The following LIPI variants were observed in gnomAD, a reference collection of about 807,000 sequenced individuals.
The protein encoded by LIPI is lipase member I.
In LIPI, 59 loss-of-function variants were observed where a neutral mutation model predicts 50.6. The ratio of observed to expected loss-of-function variants is 1.16; its 90% CI spans 0.94 to 1.45. The LOEUF (loss-of-function observed/expected upper bound fraction) is 1.45, where lower values mean the gene tolerates loss of function less well. Ranked by LOEUF, LIPI falls within the 40% of genes most tolerant of loss-of-function variation. The pLI, the probability that LIPI is intolerant of heterozygous loss-of-function variation, is 0.00. For missense variants in LIPI, 586 were observed against 536.3 expected (o/e 1.09, Z -0.92); for synonymous variants, 203 against 178.2 (o/e 1.14, Z -1.11).
intron 1 of LIPI, among the ~76,000 whole-genome samples, chr21:14,196,759 A>G (rs1033893023): frequency 2.6e-5 from 4 of 152,018 alleles, no homozygotes; most frequent in African/African-American, 9.7e-5. Context: ...CCAGAAGATC[A>G]AGGCTGCAGT....
chr21:14,155,139 T>C (rs2018229851), intron 7 of LIPI, among the ~76,000 whole-genome samples: 1 of 151,960 alleles, frequency 6.6e-6, no homozygotes, highest in Non-Finnish European at 1.5e-5. Context: ...CAAAGGTGGC[T>C]CCATCGTGCA....
chr21:14,117,517 A>C (rs2016696519), intron 9 of LIPI, among the ~76,000 whole-genome samples: 1 of 152,196 alleles, frequency 6.6e-6, no homozygotes. Context: ...AGGGCTGCTA[A>C]ACTTTCTGAG....
Position 14,161,539 on chromosome 21 carries a change from TATC to T in LIPI, c.1006+1877_1006+1879del, listed in dbSNP as rs1290039847. 6.5e-5 allele frequency among the ~76,000 whole-genome samples: 8 copies of T among 123,388 alleles called. No homozygotes were observed. The East Asian group carries it at 1.7e-3, about 26-fold the overall frequency. The allele number at this position is 123,388 out of a possible 152,430, so 80.9% of individuals were successfully genotyped here. A position where few individuals can be genotyped will look rare whatever the true frequency, so the allele number is the denominator to read the frequency against. ...TATATAGATATAGATATAATATCCA[TATC>T]TATTATATATTAATATATTATATCT... On this transcript the variant is annotated intron_variant, in intron 7 of 9. Transcript: ENST00000681601.
chr21:14,190,845 C>T lies in LIPI; in HGVS notation c.47-1426G>A, dbSNP rs996979012. ...CTGGAATTCTGACAAGAATTTAATA[C>T]ATATCAATACCAATCAATACATCCA... is the stretch of plus-strand genomic sequence containing the variant. On this transcript the variant is annotated intron_variant, in intron 1 of 9. Transcript: ENST00000681601. Among the ~76,000 whole-genome samples the T allele has an allele frequency of 6.6e-5, 10 of 152,238 alleles. No individual in the cohort carries two copies. The East Asian group carries it at 9.7e-4, about 15-fold the overall frequency.
intron 7 of LIPI, among the ~76,000 whole-genome samples, chr21:14,156,122 G>T (rs776697288): frequency 6.6e-6 from 1 of 151,950 alleles, no homozygotes; most frequent in Non-Finnish European, 1.5e-5. Flanking sequence ...TATTGTAATT[G>T]TTGTAGGCCT....
At chr21:14,188,567 CAAAAAAAAAAA>C (rs577516831) in intron 2 of LIPI, among the ~76,000 whole-genome samples, 1,113 of 66,006 alleles carry the variant, frequency 0.017, 29 homozygotes, top group African/African-American at 0.057. Context: ...GAACCTGTCT[CAAAAAAAAAAA>C]AAAAAAAAAA....
chr21:14,147,638 A>T (rs987186033), intron 8 of LIPI, among the ~76,000 whole-genome samples: 2 of 152,180 alleles, frequency 1.3e-5, no homozygotes, highest in Non-Finnish European at 2.9e-5. Context: ...CTATAGAAGA[A>T]CTCAATAATT....
At chr21:14,207,279 T>C (rs943819593) in intron 1 of LIPI, among the ~76,000 whole-genome samples, 1 of 152,164 alleles carries the variant, frequency 6.6e-6, no homozygotes, top group Non-Finnish European at 1.5e-5. Context: ...CAATAATACA[T>C]AGTTTCAAAT....
Position 14,161,620 on chromosome 21 carries a change from A to AT in LIPI, c.1006+1798dup, listed in dbSNP as rs1426185049. ...ATATATTAATATATAATATACATAT[A>AT]TAATATATTAATATATAATATATAC... On this transcript the variant is annotated intron_variant, in intron 7 of 9. Transcript: ENST00000681601. 6.0e-4 allele frequency among the ~76,000 whole-genome samples: 69 copies of AT among 114,646 alleles called. 1 individual carries two copies. Among genetic ancestry groups the AT allele is most frequent in the East Asian group, 2.4e-3 (10 of 4,198 alleles). 75.2% of individuals were successfully genotyped at this position (114,646 alleles called of 152,430 possible). A position where few individuals can be genotyped will look rare whatever the true frequency, so the allele number is the denominator to read the frequency against.
At chr21:14,198,499 C>T (rs1272082015) in intron 1 of LIPI, among the ~76,000 whole-genome samples, 1 of 151,788 alleles carries the variant, frequency 6.6e-6, no homozygotes, top group Non-Finnish European at 1.5e-5. Context: ...GATTTTAAAC[C>T]AACAAAGATT....
chr21:14,121,727 G>A (rs941574950), intron 9 of LIPI, among the ~76,000 whole-genome samples: 9 of 152,124 alleles, frequency 5.9e-5, no homozygotes, highest in Admixed American at 2.0e-4. Context: ...TTACACCTTG[G>A]ATCCATCACA....
intron 6 of LIPI, 56 bp from the exon 7 acceptor site, chr21:14,163,579 G>T: frequency 1.2e-6 from 1 of 845,152 alleles, no homozygotes. Flanking sequence ...TAACAAAAAT[G>T]TCAAATCACT....
At chr21:14,115,254 G>C (rs1193410892) in intron 9 of LIPI, among the ~76,000 whole-genome samples, 1 of 152,132 alleles carries the variant, frequency 6.6e-6, no homozygotes, top group South Asian at 2.1e-4. Context: ...CAGCTGCAAA[G>C]TTACAAGGTT....
chr21:14,132,595 A>T (rs1193444837), intron 9 of LIPI, among the ~76,000 whole-genome samples: 1 of 152,174 alleles, frequency 6.6e-6, no homozygotes, highest in East Asian at 1.9e-4. Flanking sequence ...GGAAACAAAA[A>T]GTCAATATTC....
chr21:14,125,814 C>G (rs1035921630), intron 9 of LIPI, among the ~76,000 whole-genome samples: 2 of 152,136 alleles, frequency 1.3e-5, no homozygotes, highest in African/African-American at 4.8e-5. Context: ...CTCCGCCTCC[C>G]AAAGTGCTGG....
At chr21:14,202,027 T>A (rs1387165953) in intron 1 of LIPI, among the ~76,000 whole-genome samples, 40 of 152,104 alleles carry the variant, frequency 2.6e-4, no homozygotes, top group Non-Finnish European at 5.6e-4. Context: ...TCACAAGCAT[T>A]CTTATACACC....
chr21:14,112,898 A>C (rs569814095), intron 9 of LIPI, among the ~76,000 whole-genome samples: 2 of 152,284 alleles, frequency 1.3e-5, no homozygotes, highest in South Asian at 4.1e-4. Flanking sequence ...TACTTGGATA[A>C]GGTTTCCAGC....
intron 4 of LIPI, among the ~76,000 whole-genome samples, chr21:14,170,948 T>A (rs962728370): frequency 4.6e-5 from 7 of 151,794 alleles, no homozygotes; most frequent in Non-Finnish European, 5.9e-5. Context: ...GATGACATGA[T>A]TGTATATCTA....
At chr21:14,117,855 G>C (rs1281726351) in intron 9 of LIPI, among the ~76,000 whole-genome samples, 1 of 152,056 alleles carries the variant, frequency 6.6e-6, no homozygotes. Context: ...CAAAGTGGGA[G>C]GCCAAGCGTA....
Sources: gnomAD v4.1 joint callset for allele counts (sites outside exome capture counted in the v4.1 genomes callset) on GRCh38, gnomAD v4.1.1 for gene constraint, MANE v1.5 for transcripts, NCBI Gene and HGNC (gene_info 2026-07-23, HGNC 2026-07-21) for gene names.